TSHZ2: variants seen among roughly 807,000 people sequenced by gnomAD.
The protein encoded by TSHZ2 is teashirt zinc finger homeobox 2.
In TSHZ2, 21 loss-of-function variants were observed where a neutral mutation model predicts 74.4. The observed-to-expected ratio is 0.28, with a 90% CI of 0.20 to 0.41. TSHZ2 has a LOEUF of 0.41. Among genes scored for constraint, TSHZ2 ranks in the 10% least tolerant of loss-of-function variants. The probability of loss-of-function intolerance (pLI) is 1.00; values close to 1 mark genes in which losing one functional copy is unlikely to be tolerated. For missense variants in TSHZ2, 1,244 were observed against 1,293.5 expected (o/e 0.96, Z 0.59); for synonymous variants, 540 against 515.3 (o/e 1.05, Z -0.65).
chr20:53,150,141 T>C (rs1987642388), intron 1 of TSHZ2, among the ~76,000 whole-genome samples: 1 of 152,224 alleles, frequency 6.6e-6, no homozygotes, highest in African/African-American at 2.4e-5. Context: ...GATGGTGTCA[T>C]TGAAGCACAG....
intron 2 of TSHZ2, among the ~76,000 whole-genome samples, chr20:53,359,144 T>C (rs1351261833): frequency 6.6e-6 from 1 of 152,184 alleles, no homozygotes; most frequent in Non-Finnish European, 1.5e-5. Context: ...TTATAGACAT[T>C]ATTTCATCAT....
intron 1 of TSHZ2, among the ~76,000 whole-genome samples, chr20:53,218,768 G>A (rs902458667): frequency 6.6e-6 from 1 of 152,266 alleles, no homozygotes; most frequent in Middle Eastern, 3.4e-3. Context: ...CTGAGAATTC[G>A]AGAAAAATAA....
At chr20:53,456,111 T>C (rs1985065986) in intron 2 of TSHZ2, among the ~76,000 whole-genome samples, 1 of 151,940 alleles carries the variant, frequency 6.6e-6, no homozygotes, top group Non-Finnish European at 1.5e-5. Flanking sequence ...GTATTTCTAG[T>C]TCTAGATCCC....
chr20:53,466,736 C>T (rs570634962), intron 2 of TSHZ2, among the ~76,000 whole-genome samples: 1 of 152,286 alleles, frequency 6.6e-6, no homozygotes, highest in South Asian at 2.1e-4. Flanking sequence ...CTGAAGCCAC[C>T]AGGGACATTT....
intron 1 of TSHZ2, among the ~76,000 whole-genome samples, chr20:53,109,399 A>G (rs534595153): frequency 6.6e-6 from 1 of 151,670 alleles, no homozygotes; most frequent in East Asian, 1.9e-4. Flanking sequence ...AATCCACCCT[A>G]TCTCTCTCTT....
At chr20:53,377,629 G>C (rs1425421351) in intron 2 of TSHZ2, among the ~76,000 whole-genome samples, 1 of 152,200 alleles carries the variant, frequency 6.6e-6, no homozygotes. Context: ...GGAGGCCAAG[G>C]AGGGCGGATC....
intron 1 of TSHZ2, among the ~76,000 whole-genome samples, chr20:53,170,412 T>C (rs1423173060): frequency 6.6e-6 from 1 of 152,222 alleles, no homozygotes; most frequent in Non-Finnish European, 1.5e-5. Flanking sequence ...AAAATCTGAG[T>C]CTGCTTCCTT....
Position 53,114,905 on chromosome 20 carries a change from A to G in TSHZ2, c.41-138594A>G, listed in dbSNP as rs563374853. Among the ~76,000 whole-genome samples, 4 of 152,330 alleles carry G rather than the reference A, an allele frequency of 2.6e-5. No individual in the cohort carries two copies. The South Asian group carries it at 8.3e-4, about 32-fold the overall frequency. On this transcript the variant is annotated intron_variant, in intron 1 of 2. Coordinates refer to ENST00000371497, the MANE Select transcript of TSHZ2 (RefSeq NM_173485.6). ...GTTACCGATGTTTTAAATTGTGCCC[A>G]CCAATTCTGAGGGTGGACCTGAGAG... is the stretch of plus-strand genomic sequence containing the variant.
intron 2 of TSHZ2, among the ~76,000 whole-genome samples, chr20:53,284,894 T>G (rs1991136101): frequency 6.6e-6 from 1 of 152,192 alleles, no homozygotes; most frequent in Non-Finnish European, 1.5e-5. Flanking sequence ...TCTGGGGCCC[T>G]TACTCTTGAC....
At chr20:53,262,703 G>A (rs1990627956) in intron 2 of TSHZ2, among the ~76,000 whole-genome samples, 1 of 152,194 alleles carries the variant, frequency 6.6e-6, no homozygotes, top group Non-Finnish European at 1.5e-5. Flanking sequence ...ATGTAGGCCA[G>A]GGAGATAAGG....
intron 2 of TSHZ2, among the ~76,000 whole-genome samples, chr20:53,387,311 T>C (rs1982085131): frequency 6.6e-6 from 1 of 152,242 alleles, no homozygotes; most frequent in Admixed American, 6.5e-5. Context: ...TTCCTAGCTG[T>C]GGCCTCTGTT....
At chr20:53,414,352 G>A (rs1206336816) in intron 2 of TSHZ2, among the ~76,000 whole-genome samples, 1 of 151,598 alleles carries the variant, frequency 6.6e-6, no homozygotes, top group East Asian at 2.0e-4. Flanking sequence ...CAACATAGTG[G>A]CTCACACCTG....
chr20:53,163,828 C>T (rs928165848), intron 1 of TSHZ2, among the ~76,000 whole-genome samples: 1 of 152,164 alleles, frequency 6.6e-6, no homozygotes, highest in Non-Finnish European at 1.5e-5. Context: ...TTTCCTAAAC[C>T]ACAGAAACTG....
chr20:53,237,863 A>G (rs1049329112), intron 1 of TSHZ2, among the ~76,000 whole-genome samples: 2 of 152,182 alleles, frequency 1.3e-5, no homozygotes, highest in African/African-American at 2.4e-5. Flanking sequence ...TATTGACACA[A>G]TAGACTACGA....
chr20:53,280,641 T>TTTTG (rs3042096), intron 2 of TSHZ2, among the ~76,000 whole-genome samples: 11,682 of 150,934 alleles, frequency 0.077, 493 homozygotes, highest in African/African-American at 0.11. Context: ...CAAGTCGTTT[T>TTTTG]TTTGTTTGTT....
At chr20:53,487,017 C>A (rs1986306206) in intron 2 of TSHZ2, 127 bp from the exon 3 acceptor site, 1 of 152,410 alleles carries the variant, frequency 6.6e-6, no homozygotes, top group Non-Finnish European at 1.5e-5. Context: ...ATAACTAGGA[C>A]TCTACTCAGA....
At chr20:52,975,440 T>G (rs1568700211) in intron 1 of TSHZ2, among the ~76,000 whole-genome samples, 1 of 152,106 alleles carries the variant, frequency 6.6e-6, no homozygotes, top group Non-Finnish European at 1.5e-5. Flanking sequence ...TAACACTGTA[T>G]CACATTATTT....
chr20:53,196,001 G>C (rs527847165), intron 1 of TSHZ2, among the ~76,000 whole-genome samples: 1 of 152,114 alleles, frequency 6.6e-6, no homozygotes, highest in Non-Finnish European at 1.5e-5. Flanking sequence ...TCGTTGGGAA[G>C]GCATAACAAG....
chr20:53,086,276 A>G (rs1393718775), intron 1 of TSHZ2, among the ~76,000 whole-genome samples: 1 of 152,234 alleles, frequency 6.6e-6, no homozygotes, highest in Non-Finnish European at 1.5e-5. Flanking sequence ...CGGAGAGGGT[A>G]GAGCCAGGTA....
Sources: allele counts gnomAD v4.1 joint callset (sites outside exome capture counted in the v4.1 genomes callset), GRCh38; gene constraint gnomAD v4.1.1; transcripts MANE v1.5; gene names NCBI Gene and HGNC (gene_info 2026-07-23, HGNC 2026-07-21).